The following EFR3B variants were observed in gnomAD, a reference collection of about 807,000 sequenced individuals.
EFR3B encodes the protein EFR3 homolog B, also known as protein EFR3 homolog B.
Under a neutral mutation model 104.7 loss-of-function variants are expected in EFR3B, and 64 were observed. That is an observed-to-expected ratio of 0.61 (90% CI 0.50 to 0.75). The LOEUF (loss-of-function observed/expected upper bound fraction) is 0.75, where lower values mean the gene tolerates loss of function less well. Among genes scored for constraint, EFR3B ranks in the 30% least tolerant of loss-of-function variants. EFR3B has a pLI of 0.00. For missense variants in EFR3B, 750 were observed against 1,078.5 expected (o/e 0.70, Z 4.27); for synonymous variants, 385 against 417.9 (o/e 0.92, Z 0.96).
intron 1 of EFR3B, among the ~76,000 whole-genome samples, chr2:25,068,518 T>A (rs539026893): frequency 2.1e-4 from 32 of 152,306 alleles, no homozygotes; most frequent in African/African-American, 7.7e-4. Context: ...AAGCATAAGA[T>A]AACTGGGTTT....
intron 3 of EFR3B, among the ~76,000 whole-genome samples, chr2:25,100,738 C>T (rs745430782): frequency 3.3e-5 from 5 of 152,172 alleles, no homozygotes; most frequent in Non-Finnish European, 7.4e-5. Flanking sequence ...GTGATCTGCC[C>T]GCCTCGGCCT....
intron 1 of EFR3B, among the ~76,000 whole-genome samples, chr2:25,066,890 G>T (rs905307722): frequency 1.3e-5 from 2 of 152,220 alleles, no homozygotes; most frequent in African/African-American, 4.8e-5. Flanking sequence ...GTGTACATGT[G>T]TGTGCGTGTG....
intron 1 of EFR3B, among the ~76,000 whole-genome samples, chr2:25,087,828 T>C (rs1247624080): frequency 6.6e-6 from 1 of 151,136 alleles, no homozygotes; most frequent in African/African-American, 2.5e-5. Flanking sequence ...CTTTCTGTCG[T>C]GGATTGTGCC....
At position 25,137,364 on chromosome 2, in the gene EFR3B, C is replaced by A. The variant is rs1458754240; in HGVS notation, c.1584C>A (p.His528Gln). Reference sequence around the variant, plus strand: ...AGCACTCCCAGCAGCTCTACAGACACATCTACCTGAGCTGCAAGGAGGAAA... The same window carrying A: ...AGCACTCCCAGCAGCTCTACAGACAAATCTACCTGAGCTGCAAGGAGGAAA... ...MKKHSQQLYR[H>Q]IYLSCKEETN... Residue 528 changes from histidine to glutamine, a missense_variant, in exon 15 of 23, where the codon CAC becomes CAA. His to Gln is a conservative substitution (Grantham distance 24). Transcript: ENST00000403714. The surrounding 1 kb of genome is among the most constrained non-coding windows in gnomAD (Gnocchi z 4.7). 2 of 1,552,178 alleles carry A rather than the reference C, an allele frequency of 1.3e-6. No homozygotes were observed. The highest frequency in any genetic ancestry group is 3.3e-4 in the Middle Eastern group (2 of 5,994).
intron 4 of EFR3B, among the ~76,000 whole-genome samples, chr2:25,110,004 G>A (rs888947868): frequency 6.6e-6 from 1 of 152,104 alleles, no homozygotes; most frequent in Non-Finnish European, 1.5e-5. Flanking sequence ...TTGGGGGGAG[G>A]GCGGCTCCCC....
intron 1 of EFR3B, among the ~76,000 whole-genome samples, chr2:25,050,793 T>C (rs1667844946): frequency 6.6e-6 from 1 of 152,230 alleles, no homozygotes; most frequent in Non-Finnish European, 1.5e-5. Context: ...CAAGATTCAT[T>C]AGCATTGTAA....
In EFR3B at chr2:25,136,766, A is replaced by G. The variant is rs1670527655; in HGVS notation, c.1560+168A>G. Among the ~76,000 whole-genome samples, 1 of 152,102 alleles carries G rather than the reference A, an allele frequency of 6.6e-6. No individual in the cohort carries two copies. Among genetic ancestry groups the G allele is most frequent in the South Asian group, 2.1e-4 (1 of 4,830 alleles). On this transcript the variant is annotated intron_variant, in intron 14 of 22. Coordinates refer to ENST00000403714, the MANE Select transcript of EFR3B (RefSeq NM_014971.2). The surrounding 1 kb of genome is among the most constrained non-coding windows in gnomAD (Gnocchi z 4.0). ...TCCCATCTTTACTAAAGCTACAAAA[A>G]TTAACCGGGCATGGTGGTGGGCACC... is the stretch of plus-strand genomic sequence containing the variant.
chr2:25,131,838 G>C lies in EFR3B; in HGVS notation c.1074G>C (p.Ala358=). 3 of 1,549,878 alleles carry C rather than the reference G, an allele frequency of 1.9e-6. No homozygotes were observed. Among genetic ancestry groups the C allele is most frequent in the Non-Finnish European group, 2.6e-6 (3 of 1,146,464 alleles). Residue 358 remains alanine, a synonymous_variant, in exon 10 of 23, where the codon GCG becomes GCC. Coordinates refer to ENST00000403714, the MANE Select transcript of EFR3B (RefSeq NM_014971.2). The surrounding 1 kb of genome is among the most constrained non-coding windows in gnomAD (Gnocchi z 7.6). The part of the protein sequence containing the change: ...DYALTGSYDG[A]VSLGTKIIKE... ...CGCTGACCGGGAGCTACGACGGGGC[G>C]GTCAGCCTCGGCACCAAGATCATCA...
chr2:25,126,289 A>G (rs1011697204), intron 5 of EFR3B, among the ~76,000 whole-genome samples: 1 of 152,004 alleles, frequency 6.6e-6, no homozygotes, highest in Non-Finnish European at 1.5e-5. Context: ...CCCAGGCTCA[A>G]TCAGTACTTC....
rs1294294206 is a variant in EFR3B, at chr2:25,065,580, A to G, written c.7+23261A>G. ...CCCTTTCATAGTCATTATTCACTTC[A>G]CACTATTTGAAATTCCAGTGTCACC... On this transcript the variant is annotated intron_variant, in intron 1 of 22. Transcript: ENST00000403714. Among the ~76,000 whole-genome samples, 3 of 151,942 alleles carry G rather than the reference A, an allele frequency of 2.0e-5. No individual in the cohort carries two copies. In the East Asian group the frequency reaches 5.8e-4, roughly 29 times the overall value.
At chr2:25,047,793 C>A (rs1009801416) in intron 1 of EFR3B, among the ~76,000 whole-genome samples, 9 of 151,808 alleles carry the variant, frequency 5.9e-5, no homozygotes, top group Middle Eastern at 6.9e-3. Flanking sequence ...AGCCACCATG[C>A]CTGGCCCTTA....
Position 25,130,972 on chromosome 2 carries a change from G to T in EFR3B, c.849+342G>T, listed in dbSNP as rs567584062. On this transcript the variant is annotated intron_variant, in intron 8 of 22. Coordinates refer to ENST00000403714, the MANE Select transcript of EFR3B (RefSeq NM_014971.2). The surrounding 1 kb of genome is among the most constrained non-coding windows in gnomAD (Gnocchi z 4.6). ...GACTTTCCATCCCATCCTTATCTCA[G>T]TGTAAACCAATATCAGACCTATCTT... Among the ~76,000 whole-genome samples, 163 of 152,336 alleles carry T rather than the reference G, an allele frequency of 1.1e-3. No individual in the cohort carries two copies. The highest frequency in any genetic ancestry group is 3.8e-3 in the African/African-American group (159 of 41,576).
rs147222994 is a variant in EFR3B, at chr2:25,119,893, G to A, written c.364-1780G>A. On this transcript the variant is annotated intron_variant, in intron 4 of 22. Transcript: ENST00000403714. ...AAATTGACAATACTAAATATTATGA[G>A]AGTCCACTAACTAGATACTTTTGGG... 2.1e-4 allele frequency among the ~76,000 whole-genome samples: 32 copies of A among 152,198 alleles called. No individual in the cohort carries two copies. The East Asian group carries it at 5.6e-3, about 27-fold the overall frequency.
At position 25,153,798 on chromosome 2, in the gene EFR3B, G is replaced by A. The variant is rs545418193; in HGVS notation, c.2348+37G>A. The A allele has an allele frequency of 9.4e-5, 146 of 1,549,514 alleles. No homozygotes were observed. The South Asian group carries it at 1.5e-3, about 16-fold the overall frequency. ...CCCTGGGCAGGGGACCCTGACCTCC[G>A]TGGCCCAGTATTGGGGTTCCTCATC... is the stretch of plus-strand genomic sequence containing the variant. On this transcript the variant is annotated intron_variant, in intron 22 of 22. Transcript: ENST00000403714.
chr2:25,084,559 G>A (rs1668898228), intron 1 of EFR3B, among the ~76,000 whole-genome samples: 1 of 152,162 alleles, frequency 6.6e-6, no homozygotes, highest in Non-Finnish European at 1.5e-5. Flanking sequence ...AATTTAGAAA[G>A]TTTATTTTGC....
intron 1 of EFR3B, among the ~76,000 whole-genome samples, chr2:25,077,757 C>T (rs942043065): frequency 4.6e-5 from 7 of 152,144 alleles, no homozygotes; most frequent in African/African-American, 1.2e-4. Flanking sequence ...CTTTGAATTA[C>T]GTGATTCTAA....
intron 1 of EFR3B, among the ~76,000 whole-genome samples, chr2:25,048,927 C>T (rs1175737249): frequency 6.6e-6 from 1 of 152,230 alleles, no homozygotes; most frequent in East Asian, 1.9e-4. Context: ...AACCCACCCA[C>T]CCTGTGGGGC....
rs79532604 is a variant in EFR3B at position 25,128,344 on chromosome 2, G to T, written c.635+12G>T. 115 of 1,551,738 alleles carry T rather than the reference G, an allele frequency of 7.4e-5. No individual in the cohort carries two copies. The East Asian group carries it at 2.8e-3, about 38-fold the overall frequency. On this transcript the variant is annotated intron_variant, in intron 6 of 22. Transcript: ENST00000403714. The stretch of plus-strand genomic sequence containing the variant: ...GAGGAGGCAGAGAGGTAAGCAGGCC[G>T]GGATGGGGCAGGACAGTAGATATAA...
intron 19 of EFR3B, chr2:25,145,407 C>T (rs1670787382): frequency 1.1e-5 from 4 of 367,850 alleles, no homozygotes; most frequent in African/African-American, 2.0e-5. Flanking sequence ...CCCATCTCTA[C>T]AAAAAATAAT....
Sources: gnomAD v4.1 joint callset for allele counts (sites outside exome capture counted in the v4.1 genomes callset) on GRCh38, gnomAD v4.1.1 for gene constraint, Gnocchi (gnomAD v3.1) non-coding constraint, MANE v1.5 for transcripts, NCBI Gene and HGNC (gene_info 2026-07-23, HGNC 2026-07-21) for gene names.